The following PDE4D variants were observed in gnomAD, a reference collection of about 807,000 sequenced individuals.
PDE4D encodes phosphodiesterase 4D.
A neutral mutation model predicts 87.4 loss-of-function variants in PDE4D; 24 were observed. The ratio of observed to expected loss-of-function variants is 0.27; its 90% CI spans 0.20 to 0.39. The LOEUF (loss-of-function observed/expected upper bound fraction) is 0.39, where lower values mean the gene tolerates loss of function less well. PDE4D is among the 10% of genes least tolerant of loss of function. The pLI, the probability that PDE4D is intolerant of heterozygous loss-of-function variation, is 1.00. For synonymous variants in PDE4D, 384 were observed against 383.2 expected (o/e 1.00, Z -0.02); for missense variants, 714 against 1,041.0 (o/e 0.69, Z 4.32).
intron 1 of PDE4D, among the ~76,000 whole-genome samples, chr5:59,360,038 A>G (rs1331355172): frequency 6.6e-6 from 1 of 152,080 alleles, no homozygotes; most frequent in Non-Finnish European, 1.5e-5. Context: ...TTGCCTCTTG[A>G]ATATTTCTGG....
In PDE4D at chr5:60,124,224, C is replaced by G. The variant is rs893482268; in HGVS notation, c.42+61333G>C. 3.9e-5 allele frequency among the ~76,000 whole-genome samples: 6 copies of G among 151,930 alleles called. No homozygotes were observed. In the South Asian group the frequency reaches 1.0e-3, roughly 26 times the overall value. Reference sequence around the variant, plus strand: ...ATTGCCAAGTTGGTATCTGTTTTTCCCATGTTCTTTGTGATTGTTTTAATA... The same window carrying G: ...ATTGCCAAGTTGGTATCTGTTTTTCGCATGTTCTTTGTGATTGTTTTAATA... On this transcript the variant is annotated intron_variant, in intron 2 of 16. Coordinates refer to the PDE4D transcript ENST00000502484.
intron 5 of PDE4D, among the ~76,000 whole-genome samples, chr5:59,142,349 T>C (rs1778014307): frequency 6.6e-6 from 1 of 151,370 alleles, no homozygotes; most frequent in South Asian, 2.1e-4. Flanking sequence ...CTTCATTTTT[T>C]CCTCCTTCAC....
rs1742431160 is a variant in PDE4D, at chr5:58,970,546, C to G, written c.*4118G>C. On this transcript the variant is annotated 3_prime_UTR_variant, in exon 15 of 15. Coordinates refer to ENST00000340635, the MANE Select transcript of PDE4D (RefSeq NM_001104631.2). ...TTGTACAAGGTGAAATTTTAAAATT[C>G]TAAAGCAATGAAAGTTTTGCAGAAA... is the stretch of plus-strand genomic sequence containing the variant. 3.3e-5 allele frequency: 5 copies of G among 151,970 alleles called. No homozygotes were observed. The South Asian group carries it at 1.0e-3, about 31-fold the overall frequency. The allele number at this position is 151,970 out of a possible 1,614,324, so 9.4% of individuals were successfully genotyped here.
At chr5:60,229,534 A>G (rs1383103994) in intron 1 of PDE4D, among the ~76,000 whole-genome samples, 1 of 152,150 alleles carries the variant, frequency 6.6e-6, no homozygotes, top group Non-Finnish European at 1.5e-5. Flanking sequence ...ATTTCAGAGA[A>G]GCTAGGAAAA....
intron 1 of PDE4D, among the ~76,000 whole-genome samples, chr5:60,393,649 A>G (rs1054425076): frequency 6.6e-6 from 1 of 152,252 alleles, no homozygotes; most frequent in Non-Finnish European, 1.5e-5. Context: ...AACCAATTCC[A>G]CAATAATCAT....
At position 59,476,107 on chromosome 5, in the gene PDE4D, A is replaced by G. The variant is rs1375851566; in HGVS notation, c.456-260139T>C. 4.6e-5 allele frequency among the ~76,000 whole-genome samples: 7 copies of G among 152,132 alleles called. No individual in the cohort carries two copies. In the East Asian group the frequency reaches 9.7e-4, roughly 21 times the overall value. On this transcript the variant is annotated intron_variant, in intron 1 of 14. Transcript: ENST00000340635. ...CACCAACCTATTCTCCCTTCCCTCT[A>G]TTTTATGAAGAAAATAGTGGCCTTA...
chr5:59,545,866 C>T (rs1817180155), intron 1 of PDE4D, among the ~76,000 whole-genome samples: 1 of 152,088 alleles, frequency 6.6e-6, no homozygotes, highest in South Asian at 2.1e-4. Flanking sequence ...GCATTAAATC[C>T]TGTAAAAAGA....
chr5:60,104,687 G>A (rs1234292279), intron 2 of PDE4D, among the ~76,000 whole-genome samples: 1 of 152,186 alleles, frequency 6.6e-6, no homozygotes, highest in African/African-American at 2.4e-5. Flanking sequence ...CCATCAGACA[G>A]CATCATTTGC....
At chr5:58,979,597 C>T (rs1331294760) in intron 11 of PDE4D, among the ~76,000 whole-genome samples, 2 of 152,126 alleles carry the variant, frequency 1.3e-5, no homozygotes, top group Non-Finnish European at 1.5e-5. Flanking sequence ...CAGGAATGAT[C>T]AGAAAGTTGC....
intron 5 of PDE4D, among the ~76,000 whole-genome samples, chr5:59,135,516 A>C (rs1327119996): frequency 6.6e-6 from 1 of 152,224 alleles, no homozygotes; most frequent in Non-Finnish European, 1.5e-5. Context: ...GAGGATTATC[A>C]GTTGAGATTC....
intron 1 of PDE4D, among the ~76,000 whole-genome samples, chr5:60,415,866 C>A (rs1742487334): frequency 6.6e-6 from 1 of 152,260 alleles, no homozygotes; most frequent in Admixed American, 6.5e-5. Flanking sequence ...CTGGGTGAAG[C>A]CATCTGGGCT....
chr5:60,028,441 C>T (rs1408665490), intron 2 of PDE4D, among the ~76,000 whole-genome samples: 1 of 152,172 alleles, frequency 6.6e-6, no homozygotes, highest in East Asian at 1.9e-4. Context: ...TGTCTGCCCT[C>T]ATTGTTTGCC....
At chr5:60,050,146 CCTTT>C (rs1445103425) in intron 2 of PDE4D, among the ~76,000 whole-genome samples, 1 of 152,162 alleles carries the variant, frequency 6.6e-6, no homozygotes, top group East Asian at 1.9e-4. Context: ...GTCTGTCACC[CCTTT>C]CTTTGACTAG....
At chr5:59,098,109 TC>T (rs1484768221) in intron 5 of PDE4D, among the ~76,000 whole-genome samples, 3 of 152,160 alleles carry the variant, frequency 2.0e-5, no homozygotes, top group African/African-American at 7.2e-5. Flanking sequence ...AATATAATAT[TC>T]CCCCTCCCAA....
chr5:59,774,236 T>C (rs1366759853), intron 1 of PDE4D, among the ~76,000 whole-genome samples: 1 of 152,208 alleles, frequency 6.6e-6, no homozygotes, highest in Non-Finnish European at 1.5e-5. Context: ...AGAGGAGGAT[T>C]CTAAAGATCT....
intron 5 of PDE4D, among the ~76,000 whole-genome samples, chr5:59,060,501 C>A (rs926114429): frequency 6.6e-6 from 1 of 151,904 alleles, no homozygotes; most frequent in Non-Finnish European, 1.5e-5. Context: ...CTTTGATGTT[C>A]AATAAACATC....
intron 1 of PDE4D, among the ~76,000 whole-genome samples, chr5:60,188,082 TTG>T (rs1784923244): frequency 6.6e-6 from 1 of 152,196 alleles, no homozygotes; most frequent in Admixed American, 6.5e-5. Flanking sequence ...CAGCCCATTC[TTG>T]TTTTTTCTTC....
At chr5:59,166,284 G>A (rs1342458479) in intron 5 of PDE4D, 1 of 152,102 alleles carries the variant, frequency 6.6e-6, no homozygotes, top group Non-Finnish European at 1.5e-5. Context: ...CATGACAAAA[G>A]GCCAGGTTAA....
intron 1 of PDE4D, among the ~76,000 whole-genome samples, chr5:59,785,075 AACTAAT>A (rs1230892530): frequency 1.3e-5 from 2 of 152,182 alleles, no homozygotes; most frequent in Non-Finnish European, 2.9e-5. Context: ...TGTGAGAATG[AACTAAT>A]ACAATGGGCA....
Sources: gnomAD v4.1 joint callset for allele counts (sites outside exome capture counted in the v4.1 genomes callset) on GRCh38, gnomAD v4.1.1 for gene constraint, MANE v1.5 for transcripts, NCBI Gene and HGNC (gene_info 2026-07-23, HGNC 2026-07-21) for gene names.